TAF4B: variants seen among roughly 807,000 people sequenced by gnomAD.
TAF4B encodes the protein transcription initiation factor TFIID subunit 4B.
TAF4B carries 38 observed loss-of-function variants against 86.4 expected under a neutral mutation model. That is an observed-to-expected ratio of 0.44 (90% CI 0.34 to 0.58). TAF4B has a LOEUF of 0.58. Among genes scored for constraint, TAF4B ranks in the 20% least tolerant of loss-of-function variants. TAF4B has a pLI of 0.02. For missense variants in TAF4B, 988 were observed against 1,027.6 expected (o/e 0.96, Z 0.53); for synonymous variants, 388 against 391.2 (o/e 0.99, Z 0.10).
At chr18:26,331,771 A>G (rs2057052342) in intron 12 of TAF4B, among the ~76,000 whole-genome samples, 1 of 152,092 alleles carries the variant, frequency 6.6e-6, no homozygotes, top group Admixed American at 6.5e-5. Context: ...TTTCACTTGG[A>G]CTTTCATACT....
chr18:26,344,371 A>T (rs868018446), intron 13 of TAF4B, among the ~76,000 whole-genome samples: 9 of 150,592 alleles, frequency 6.0e-5, no homozygotes, highest in East Asian at 5.8e-4. Context: ...TTTTTTTTTA[A>T]AAAAAAAGGG....
chr18:26,249,291 C>G (rs958400919), intron 1 of TAF4B, among the ~76,000 whole-genome samples: 6 of 152,084 alleles, frequency 3.9e-5, no homozygotes, highest in African/African-American at 1.4e-4. Context: ...CCAGCCAGGC[C>G]AACATGGCAA....
At chr18:26,346,233 T>C (rs1036348665) in intron 13 of TAF4B, among the ~76,000 whole-genome samples, 6 of 151,972 alleles carry the variant, frequency 3.9e-5, no homozygotes, top group African/African-American at 1.5e-4. Context: ...AAAAATACAG[T>C]TGAGACCTTT....
chr18:26,243,894 C>A (rs1430562718), intron 1 of TAF4B, among the ~76,000 whole-genome samples: 2 of 152,204 alleles, frequency 1.3e-5, no homozygotes, highest in Non-Finnish European at 2.9e-5. Flanking sequence ...GGCTGCAGTA[C>A]AGCAAATATT....
chr18:26,334,846 T>G (rs1466877568), intron 12 of TAF4B, among the ~76,000 whole-genome samples: 1 of 152,196 alleles, frequency 6.6e-6, no homozygotes, highest in Non-Finnish European at 1.5e-5. Context: ...ACAATTACTC[T>G]TTTTTTCTTT....
chr18:26,366,384 A>G (rs1038857046), intron 14 of TAF4B: 1 of 152,196 alleles, frequency 6.6e-6, no homozygotes, highest in Non-Finnish European at 1.5e-5. Context: ...CAGTTTTAGT[A>G]TATGTGCTGT....
rs534697797 is a variant in TAF4B, at chr18:26,276,041, A to G, written c.882+988A>G. 5.3e-5 allele frequency among the ~76,000 whole-genome samples: 8 copies of G among 151,904 alleles called. No individual in the cohort carries two copies. In the East Asian group the frequency reaches 1.5e-3, roughly 29 times the overall value. The stretch of plus-strand genomic sequence containing the variant: ...AAAAAAAAAAAAAAAAAGAAAAGAA[A>G]AGAAAAAAGAATTATGAAATCTCAG... On this transcript the variant is annotated intron_variant, in intron 5 of 14. Transcript: ENST00000269142.
chr18:26,267,712 T>C (rs2056260386), intron 3 of TAF4B, 89 bp downstream of exon 3: 2 of 876,560 alleles, frequency 2.3e-6, no homozygotes, highest in East Asian at 2.4e-5. Context: ...TGTAAGTTAC[T>C]GTGTGACATT....
chr18:26,255,958 G>A lies in TAF4B; in HGVS notation c.344-9212G>A, dbSNP rs576094319. 21 of 1,318,386 alleles carry A rather than the reference G, an allele frequency of 1.6e-5. No homozygotes were observed. The East Asian group carries it at 3.9e-4, about 25-fold the overall frequency. The allele number at this position is 1,318,386 out of a possible 1,614,324, so 81.7% of individuals were successfully genotyped here. A position where few individuals can be genotyped will look rare whatever the true frequency, so the allele number is the denominator to read the frequency against. On this transcript the variant is annotated intron_variant, in intron 1 of 14. Transcript: ENST00000269142. ...TCATCTGACTGGTTACTGTAACAAG[G>A]AGATTGAGCTGGGAGGCACTGGAGG...
At chr18:26,311,143 G>A (rs1382349409) in intron 9 of TAF4B, among the ~76,000 whole-genome samples, 3 of 151,966 alleles carry the variant, frequency 2.0e-5, no homozygotes, top group Non-Finnish European at 4.4e-5. Flanking sequence ...AAAATTAGTT[G>A]GAATTTAAGG....
At chr18:26,282,117 T>G in intron 6 of TAF4B, 57 bp downstream of exon 6, 1 of 1,353,814 alleles carries the variant, frequency 7.4e-7, no homozygotes, top group Non-Finnish European at 1.0e-6. Context: ...CTAAAATAAT[T>G]AAAAATGGGA....
chr18:26,256,368 G>A, intron 1 of TAF4B: 1 of 1,408,960 alleles, frequency 7.1e-7, no homozygotes, highest in Non-Finnish European at 1.0e-6. Context: ...CTTTTCTTCT[G>A]GGCAAAAGTC....
chr18:26,249,753 C>A (rs2055977577), intron 1 of TAF4B, among the ~76,000 whole-genome samples: 1 of 152,056 alleles, frequency 6.6e-6, no homozygotes, highest in South Asian at 2.1e-4. Flanking sequence ...AAGTCTCATT[C>A]TTTCTTTCGC....
intron 9 of TAF4B, among the ~76,000 whole-genome samples, chr18:26,314,170 A>T (rs902078732): frequency 1.3e-5 from 2 of 152,178 alleles, no homozygotes; most frequent in African/African-American, 4.8e-5. Context: ...AAAAGACCAT[A>T]TTATATACCA....
intron 1 of TAF4B, among the ~76,000 whole-genome samples, chr18:26,238,315 A>G (rs2144449216): frequency 6.6e-6 from 1 of 152,302 alleles, no homozygotes; most frequent in Non-Finnish European, 1.5e-5. Flanking sequence ...AGGGATCTCC[A>G]GGGTTGGAAG....
In TAF4B at chr18:26,318,605, G is replaced by A. The variant is rs367812086; in HGVS notation, c.2003-2465G>A. Among the ~76,000 whole-genome samples, 11 of 152,008 alleles carry A rather than the reference G, an allele frequency of 7.2e-5. No homozygotes were observed. The South Asian group carries it at 1.0e-3, about 14-fold the overall frequency. ...CCTAATAACCTAAATTAAATTGCAC[G>A]TTCAGTAAAATCACATAACTAGTGT... On this transcript the variant is annotated intron_variant, in intron 10 of 14. Coordinates refer to ENST00000269142, the MANE Select transcript of TAF4B (RefSeq NM_005640.3).
chr18:26,239,833 A>G (rs1270800370), intron 1 of TAF4B, among the ~76,000 whole-genome samples: 3 of 152,190 alleles, frequency 2.0e-5, no homozygotes, highest in Admixed American at 6.5e-5. Flanking sequence ...AGCACCATTT[A>G]TTAAATAGGG....
At chr18:26,246,362 C>T (rs547278354) in intron 1 of TAF4B, among the ~76,000 whole-genome samples, 2 of 152,110 alleles carry the variant, frequency 1.3e-5, no homozygotes, top group African/African-American at 4.8e-5. Flanking sequence ...CAGAATAAGG[C>T]CTAGATGGTA....
At chr18:26,287,253 C>T (rs1486601250) in intron 7 of TAF4B, among the ~76,000 whole-genome samples, 1 of 152,164 alleles carries the variant, frequency 6.6e-6, no homozygotes, top group Non-Finnish European at 1.5e-5. Flanking sequence ...TTCCTCTCGA[C>T]TTAGACCTCC....
Sources: gnomAD v4.1 joint callset for allele counts (sites outside exome capture counted in the v4.1 genomes callset) on GRCh38, gnomAD v4.1.1 for gene constraint, MANE v1.5 for transcripts, NCBI Gene and HGNC (gene_info 2026-07-23, HGNC 2026-07-21) for gene names.